SF3B6: variants seen among roughly 807,000 people sequenced by gnomAD.
SF3B6 encodes splicing factor 3b subunit 6, also known as SF3b 14 kDa subunit.
A neutral mutation model predicts 15.9 loss-of-function variants in SF3B6; 3 were observed. The ratio of observed to expected loss-of-function variants is 0.19; its 90% CI spans 0.09 to 0.49. The LOEUF is 0.49. Ranked by LOEUF, SF3B6 falls within the 20% of genes least tolerant of loss-of-function variation. The pLI, the probability that SF3B6 is intolerant of heterozygous loss-of-function variation, is 0.97. For synonymous variants in SF3B6, 49 were observed against 51.1 expected (o/e 0.96, Z 0.18); for missense variants, 71 against 154.3 (o/e 0.46, Z 2.86).
intron 2 of SF3B6, among the ~76,000 whole-genome samples, chr2:24,072,132 C>T (rs781744303): frequency 1.5e-4 from 23 of 151,896 alleles, no homozygotes; most frequent in Non-Finnish European, 2.5e-4. Context: ...ATTACAGGCG[C>T]GTGCCACCAT....
chr2:24,071,853 T>C (rs1156964534), intron 2 of SF3B6, among the ~76,000 whole-genome samples: 7 of 152,190 alleles, frequency 4.6e-5, no homozygotes, highest in Non-Finnish European at 8.8e-5. Flanking sequence ...TTATTCCCTG[T>C]CCTTTCATTT....
At chr2:24,071,581 G>C (rs759424210) in intron 2 of SF3B6, among the ~76,000 whole-genome samples, 11 of 152,080 alleles carry the variant, frequency 7.2e-5, no homozygotes, top group African/African-American at 1.2e-4. Flanking sequence ...CTCCAGCCTG[G>C]GCAACAAGAG....
chr2:24,076,161 C>T (rs1471512936), intron 1 of SF3B6, 39 bp downstream of exon 1: 2 of 1,613,950 alleles, frequency 1.2e-6, no homozygotes, highest in Admixed American at 3.3e-5. Flanking sequence ...AAGTCAAACC[C>T]GAAGTTCTCC....
intron 2 of SF3B6, among the ~76,000 whole-genome samples, chr2:24,073,462 C>CTTATTAT (rs1329846912): frequency 1.3e-5 from 2 of 152,080 alleles, no homozygotes; most frequent in Non-Finnish European, 2.9e-5. Flanking sequence ...AATAAAAGCA[C>CTTATTAT]TTATTATGGT....
chr2:24,073,003 A>C (rs1428470773), intron 2 of SF3B6, among the ~76,000 whole-genome samples: 1 of 152,220 alleles, frequency 6.6e-6, no homozygotes, highest in Admixed American at 6.5e-5. Context: ...AGCTTTTATC[A>C]GATGCTCAAA....
intron 2 of SF3B6, 59 bp from the exon 3 acceptor site, chr2:24,068,518 C>T: frequency 6.9e-7 from 1 of 1,442,700 alleles, no homozygotes; most frequent in Non-Finnish European, 9.4e-7. Flanking sequence ...TGATAGTTGA[C>T]TTACAGAACT....
rs752153941 is a variant in SF3B6, at chr2:24,074,099, A to G, written c.126T>C (p.Tyr42=). The G allele has an allele frequency of 3.2e-5, 51 of 1,594,306 alleles. 1 individual carries two copies. The highest frequency in any genetic ancestry group is 3.4e-5 in the Non-Finnish European group (39 of 1,162,692). Residue 42 remains tyrosine (Y), a synonymous_variant, in exon 2 of 4, where the codon TAT becomes TAC. Transcript: ENST00000233468. ...ACACTCTGATTTGACGAATAGGTCCATATTTCCCAAATATATCATACATTT... is the reference window on the plus strand; with the variant it reads ...ACACTCTGATTTGACGAATAGGTCCGTATTTCCCAAATATATCATACATTT... ...AEEMYDIFGK[Y]GPIRQIRVGN... is the part of the protein sequence containing the mutation.
chr2:24,074,081 G>A lies in SF3B6; in HGVS notation c.144C>T (p.Ile48=). The part of the protein sequence containing the change: ...IFGKYGPIRQ[I]RVGNTPETRG... ...AATGACTCAGTAAGACTCACACTCT[G>A]ATTTGACGAATAGGTCCATATTTCC... Residue 48 remains isoleucine (I), a synonymous_variant, in exon 2 of 4, where the codon ATC becomes ATT. Transcript: ENST00000233468. 1 of 1,547,232 alleles carries A rather than the reference G, an allele frequency of 6.5e-7. No individual in the cohort carries two copies. The highest frequency in any genetic ancestry group is 8.9e-7 in the Non-Finnish European group (1 of 1,122,624).
chr2:24,072,089 C>T (rs919568394), intron 2 of SF3B6, among the ~76,000 whole-genome samples: 2 of 152,074 alleles, frequency 1.3e-5, no homozygotes, highest in Admixed American at 6.5e-5. Flanking sequence ...CAGGTTCAAG[C>T]GATTCTCCCA....
intron 2 of SF3B6, 92 bp downstream of exon 2, chr2:24,073,984 T>G (rs1354965722): frequency 1.2e-6 from 1 of 802,390 alleles, no homozygotes; most frequent in Non-Finnish European, 2.1e-6. Context: ...GTTGTCGCAC[T>G]GCACACAGCA....
intron 2 of SF3B6, among the ~76,000 whole-genome samples, chr2:24,070,566 G>A (rs894050310): frequency 3.9e-5 from 6 of 152,178 alleles, no homozygotes; most frequent in Admixed American, 6.5e-5. Flanking sequence ...AATCAAAAGA[G>A]GTAACAAGTA....
intron 1 of SF3B6, among the ~76,000 whole-genome samples, chr2:24,074,980 T>C (rs1178340554): frequency 6.6e-6 from 1 of 152,028 alleles, no homozygotes; most frequent in Non-Finnish European, 1.5e-5. Context: ...AATACAAAAA[T>C]TAGCCGGGCA....
At chr2:24,073,796 C>A (rs565075421) in intron 2 of SF3B6, 24 of 231,476 alleles carry the variant, frequency 1.0e-4, no homozygotes, top group African/African-American at 4.8e-4. Flanking sequence ...TCTTTCCCTT[C>A]TCAACCAGTT....
At chr2:24,075,741 T>C (rs1361182460) in intron 1 of SF3B6, among the ~76,000 whole-genome samples, 1 of 151,936 alleles carries the variant, frequency 6.6e-6, no homozygotes, top group East Asian at 1.9e-4. Context: ...ATGTCCCACA[T>C]GGCAAGCAGA....
In SF3B6 at chr2:24,074,134, T is replaced by C; in HGVS notation, c.91A>G (p.Thr31Ala). 1 of 1,610,640 alleles carries C rather than the reference T, an allele frequency of 6.2e-7. No individual in the cohort carries two copies. The highest frequency in any genetic ancestry group is 8.5e-7 in the Non-Finnish European group (1 of 1,177,488). The change falls in exon 2 of 4, where the codon ACA becomes GCA. Residue 31 changes from threonine (T) to alanine (A), a missense_variant. This residue lies in a region of SF3B6 where 17 missense variants were observed against 19.9 expected (regional missense o/e 0.86). Transcript: ENST00000233468. ...AATATATCATACATTTCTTCAGCTG[T>C]GATTTTGTATGGCAAATTTCTTATA... Reference protein sequence around the residue: ...LYIRNLPYKITAEEMYDIFGK... With the variant: ...LYIRNLPYKIAAEEMYDIFGK...
intron 3 of SF3B6, among the ~76,000 whole-genome samples, 200 bp downstream of exon 3, chr2:24,068,121 G>A (rs1232139093): frequency 2.6e-5 from 4 of 152,070 alleles, no homozygotes; most frequent in African/African-American, 4.8e-5. Context: ...CCGCCACCAC[G>A]CCCGGCTAAT....
intron 2 of SF3B6, among the ~76,000 whole-genome samples, chr2:24,069,904 G>A (rs1664626789): frequency 6.6e-6 from 1 of 152,160 alleles, no homozygotes. Context: ...TAAGAGCAAA[G>A]GTGATCTTAT....
At chr2:24,073,238 T>C (rs1438011515) in intron 2 of SF3B6, among the ~76,000 whole-genome samples, 1 of 152,238 alleles carries the variant, frequency 6.6e-6, no homozygotes, top group Non-Finnish European at 1.5e-5. Context: ...TACGTAGTCA[T>C]TACTGTGGTA....
rs538701549 is a variant in SF3B6, at chr2:24,067,988, G to A, written c.289-137C>T. 125 of 768,742 alleles carry A rather than the reference G, an allele frequency of 1.6e-4. No individual in the cohort carries two copies. In the African/African-American group the frequency reaches 1.8e-3, roughly 11 times the overall value. The allele number at this position is 768,742 out of a possible 1,614,324, so 47.6% of individuals were successfully genotyped here. ...AGTTCTACACTAATTCTCTTGAGAC[G>A]GAGTCTCTCTGTTGCCCAGGCTGGA... On this transcript the variant is annotated intron_variant, in intron 3 of 3. Transcript: ENST00000233468.
Sources: gnomAD v4.1 joint callset for allele counts (sites outside exome capture counted in the v4.1 genomes callset) on GRCh38, gnomAD v4.1.1 for gene constraint, gnomAD v4.1.1 regional missense constraint, MANE v1.5 for transcripts, NCBI Gene and HGNC (gene_info 2026-07-23, HGNC 2026-07-21) for gene names.